The following RFTN1 variants were observed in gnomAD, a reference collection of about 807,000 sequenced individuals.
RFTN1 encodes the protein raftlin.
Under a neutral mutation model 46.5 loss-of-function variants are expected in RFTN1, and 26 were observed. The ratio of observed to expected loss-of-function variants is 0.56; its 90% confidence interval spans 0.41 to 0.78. The LOEUF (loss-of-function observed/expected upper bound fraction) is 0.78, where lower values mean the gene tolerates loss of function less well. Ranked by LOEUF, RFTN1 falls within the 30% of genes least tolerant of loss-of-function variation. RFTN1 has a pLI of 0.00. For synonymous variants in RFTN1, 261 were observed against 284.2 expected, an observed-to-expected ratio of 0.92 and a Z score of 0.82; for missense variants, 693 against 718.7, an observed-to-expected ratio of 0.96 and a Z score of 0.41.
intron 4 of RFTN1, among the ~76,000 whole-genome samples, chr3:16,389,868 C>A (rs1179764328): frequency 6.6e-6 from 1 of 152,152 alleles, no homozygotes; most frequent in Non-Finnish European, 1.5e-5. Flanking sequence ...TGAAAAGGAC[C>A]CTTATGTGAC....
At chr3:16,394,558 G>T (rs377419253) in intron 4 of RFTN1, among the ~76,000 whole-genome samples, 23 of 152,294 alleles carry the variant, frequency 1.5e-4, no homozygotes, top group African/African-American at 5.5e-4. Context: ...TGGAAGGGGA[G>T]TGGGGAATTG....
At chr3:16,403,295 T>A (rs1575228813) in intron 4 of RFTN1, among the ~76,000 whole-genome samples, 1 of 151,958 alleles carries the variant, frequency 6.6e-6, no homozygotes, top group African/African-American at 2.4e-5. Context: ...GCTGGGTTCA[T>A]ATCTCAGTCC....
rs1044465388 is a variant in RFTN1 at position 16,480,587 on chromosome 3, C to A, written c.145+13138G>T. 6.6e-6 allele frequency among the ~76,000 whole-genome samples: 1 copy of A among 152,094 alleles called. No individual in the cohort carries two copies. Among genetic ancestry groups the A allele is most frequent in the African/African-American group, 2.4e-5 (1 of 41,412 alleles). On this transcript the variant is annotated intron_variant, in intron 2 of 9. Coordinates refer to ENST00000334133, the MANE Select transcript of RFTN1 (RefSeq NM_015150.2). This position sits in a 1 kb window ranked among gnomAD's most constrained non-coding sequence, Gnocchi z 4.3. ...AATGACAGTGGCATGCAACTTGAGG[C>A]CAGAATCACCTACCTTTTCACACCA...
At chr3:16,417,342 A>C (rs2075102208) in intron 3 of RFTN1, among the ~76,000 whole-genome samples, 1 of 152,022 alleles carries the variant, frequency 6.6e-6, no homozygotes. Context: ...CATTTCTTTA[A>C]CACCTTATAT....
At chr3:16,431,461 G>A (rs970007425) in intron 3 of RFTN1, among the ~76,000 whole-genome samples, 25 of 151,020 alleles carry the variant, frequency 1.7e-4, no homozygotes, top group African/African-American at 6.1e-4. Context: ...AGACTCACAA[G>A]CACATTAAAG....
intron 2 of RFTN1, among the ~76,000 whole-genome samples, chr3:16,482,050 C>T (rs2076374757): frequency 6.6e-6 from 1 of 152,074 alleles, no homozygotes; most frequent in South Asian, 2.1e-4. Flanking sequence ...GGGTTATTGA[C>T]CAACACTCAT....
At chr3:16,485,080 G>A (rs926737298) in intron 2 of RFTN1, among the ~76,000 whole-genome samples, 1 of 152,172 alleles carries the variant, frequency 6.6e-6, no homozygotes, top group Non-Finnish European at 1.5e-5. Context: ...AGGTAAACAT[G>A]TATTTAGCAT....
In RFTN1 at chr3:16,331,233, A is replaced by G. The variant is rs552613610; in HGVS notation, c.1147-4357T>C. Among the ~76,000 whole-genome samples, 9 of 152,328 alleles carry G rather than the reference A, an allele frequency of 5.9e-5. No individual in the cohort carries two copies. In the South Asian group the frequency reaches 1.2e-3, roughly 21 times the overall value. On this transcript the variant is annotated intron_variant, in intron 7 of 9. Coordinates refer to ENST00000334133, the MANE Select transcript of RFTN1 (RefSeq NM_015150.2). ...CTGTGTCTTTTGTAAAATTGCTACCAAAACACTAGTGCCCACAAATTACTG... is the reference window on the plus strand; with the variant it reads ...CTGTGTCTTTTGTAAAATTGCTACCGAAACACTAGTGCCCACAAATTACTG...
At chr3:16,469,221 T>C (rs2076151827) in intron 2 of RFTN1, among the ~76,000 whole-genome samples, 1 of 152,254 alleles carries the variant, frequency 6.6e-6, no homozygotes, top group Non-Finnish European at 1.5e-5. Context: ...AAAATGTGCA[T>C]AATCATAGTA....
At chr3:16,454,569 A>G (rs1654682593) in intron 2 of RFTN1, among the ~76,000 whole-genome samples, 1 of 152,220 alleles carries the variant, frequency 6.6e-6, no homozygotes, top group African/African-American at 2.4e-5. Context: ...ACAGTTCCCA[A>G]TCAATTCATA....
rs978384197 is a variant in RFTN1 at position 16,342,059 on chromosome 3, C to G, written c.1147-15183G>C. Among the ~76,000 whole-genome samples, 1 of 152,042 alleles carries G rather than the reference C, an allele frequency of 6.6e-6. No individual in the cohort carries two copies. The highest frequency in any genetic ancestry group is 6.5e-5 in the Admixed American group (1 of 15,268). On this transcript the variant is annotated intron_variant, in intron 7 of 9. Transcript: ENST00000334133. This position sits in a 1 kb window ranked among gnomAD's most constrained non-coding sequence, Gnocchi z 4.0. ...TCTTTATTGATATATAATTGGATAT[C>G]TTAAAATTCACCTATTTAAAGCAAA...
At position 16,381,665 on chromosome 3, in the gene RFTN1, C is replaced by A. The variant is rs1157735084; in HGVS notation, c.442-3563G>T. On this transcript the variant is annotated intron_variant, in intron 4 of 9. Transcript: ENST00000334133. This position sits in a 1 kb window ranked among gnomAD's most constrained non-coding sequence, Gnocchi z 4.2. ...ACATATGTAAAGGAAAAGGAGAGGG[C>A]AATCCATGTAAAGGCAAGGAAGGAT... 6.6e-6 allele frequency among the ~76,000 whole-genome samples: 1 copy of A among 152,044 alleles called. No individual in the cohort carries two copies. The highest frequency in any genetic ancestry group is 2.4e-5 in the African/African-American group (1 of 41,388).
rs1179429554 is a variant in RFTN1, at chr3:16,410,649, GTGTAA to G, written c.333-1171_333-1167del. 6.6e-6 allele frequency among the ~76,000 whole-genome samples: 1 copy of G among 152,150 alleles called. No individual in the cohort carries two copies. The highest frequency in any genetic ancestry group is 1.5e-5 in the Non-Finnish European group (1 of 68,022). ...AAGAAATTCTGGGAAAACAGCGTGG[GTGTAA>G]ACGGCTGTCTGAGGTGAAGGCCTGT... On this transcript the variant is annotated intron_variant, in intron 3 of 9. Transcript: ENST00000334133. This position sits in a 1 kb window ranked among gnomAD's most constrained non-coding sequence, Gnocchi z 4.6.
rs775282808 is a variant in RFTN1, at chr3:16,380,971, TTAA to T, written c.442-2872_442-2870del. Among the ~76,000 whole-genome samples, 125 of 152,298 alleles carry T rather than the reference TTAA, an allele frequency of 8.2e-4. No homozygotes were observed. The highest frequency in any genetic ancestry group is 1.6e-3 in the Non-Finnish European group (106 of 68,018). ...TTCAGCTGTAGAATCCAACAAATAG[TTAA>T]TAAGCCCCTACACTGGTCCAGGCCA... On this transcript the variant is annotated intron_variant, in intron 4 of 9. Transcript: ENST00000334133. This position sits in a 1 kb window ranked among gnomAD's most constrained non-coding sequence, Gnocchi z 4.8.
Position 16,337,701 on chromosome 3 carries a change from C to T in RFTN1, c.1147-10825G>A, listed in dbSNP as rs977645351. 3.4e-5 allele frequency among the ~76,000 whole-genome samples: 5 copies of T among 148,604 alleles called. No individual in the cohort carries two copies. The highest frequency in any genetic ancestry group is 1.3e-4 in the Admixed American group (2 of 14,890). Reference sequence around the variant, plus strand: ...AGGTTGCAGTGAGCCCAGATTGCGCCACTGCACTCCAGCCTGGCGACAGAG... The same window carrying T: ...AGGTTGCAGTGAGCCCAGATTGCGCTACTGCACTCCAGCCTGGCGACAGAG... On this transcript the variant is annotated intron_variant, in intron 7 of 9. Transcript: ENST00000334133. This position sits in a 1 kb window ranked among gnomAD's most constrained non-coding sequence, Gnocchi z 5.0.
At chr3:16,375,449 G>T (rs1165719857) in intron 5 of RFTN1, among the ~76,000 whole-genome samples, 1 of 152,000 alleles carries the variant, frequency 6.6e-6, no homozygotes, top group African/African-American at 2.4e-5. Context: ...CCATAAAGCT[G>T]TTGTGAGGAG....
intron 1 of RFTN1, among the ~76,000 whole-genome samples, chr3:16,505,164 G>T (rs1014040176): frequency 6.6e-6 from 1 of 152,104 alleles, no homozygotes; most frequent in African/African-American, 2.4e-5. Context: ...CACACAAGTG[G>T]CTCAAAGAGC....
At chr3:16,358,339 C>T (rs1293068077) in intron 6 of RFTN1, among the ~76,000 whole-genome samples, 1 of 152,154 alleles carries the variant, frequency 6.6e-6, no homozygotes, top group Non-Finnish European at 1.5e-5. Flanking sequence ...TTTTCATGCT[C>T]CAGCGTCAGG....
chr3:16,444,501 G>A (rs2075692553), intron 2 of RFTN1, among the ~76,000 whole-genome samples: 1 of 152,204 alleles, frequency 6.6e-6, no homozygotes, highest in Non-Finnish European at 1.5e-5. Context: ...CTGAGCAAGT[G>A]TGAGTGTATG....
Sources: allele counts gnomAD v4.1 joint callset (sites outside exome capture counted in the v4.1 genomes callset), GRCh38; gene constraint gnomAD v4.1.1; non-coding constraint Gnocchi (gnomAD v3.1); transcripts MANE v1.5; gene names NCBI Gene and HGNC (gene_info 2026-07-23, HGNC 2026-07-21).